The following ARFGAP3 variants were observed in gnomAD, a reference collection of about 807,000 sequenced individuals.
ARFGAP3 encodes ADP-ribosylation factor GTPase-activating protein 3.
Under a neutral mutation model 75.0 loss-of-function variants are expected in ARFGAP3, and 72 were observed. The observed-to-expected ratio is 0.96, with a 90% CI of 0.79 to 1.17. The LOEUF (loss-of-function observed/expected upper bound fraction) is 1.17, where lower values mean the gene tolerates loss of function less well. ARFGAP3 is among the 50% of genes most tolerant of loss of function. The pLI, the probability that ARFGAP3 is intolerant of heterozygous loss-of-function variation, is 0.00. For missense variants in ARFGAP3, 620 were observed against 626.6 expected (o/e 0.99, Z 0.11); for synonymous variants, 221 against 217.9 (o/e 1.01, Z -0.13).
In ARFGAP3 at chr22:42,797,531, G is replaced by A. The variant is rs117875466; in HGVS notation, c.*57C>T. The A allele has an allele frequency of 2.6e-4, 421 of 1,611,180 alleles. 3 individuals are homozygous for A. The East Asian group carries it at 8.7e-3, about 33-fold the overall frequency. On this transcript the variant is annotated 3_prime_UTR_variant, in exon 16 of 16. Transcript: ENST00000263245. ...GGACTTCACTGCCGCCTGAGATGTG[G>A]TTACTTGTTCATTTAAAGAGGAATT...
intron 9 of ARFGAP3, among the ~76,000 whole-genome samples, chr22:42,822,014 C>T (rs981198467): frequency 1.3e-5 from 2 of 152,172 alleles, no homozygotes; most frequent in African/African-American, 2.4e-5. Flanking sequence ...GTAAACACCT[C>T]CATGCATCTC....
intron 6 of ARFGAP3, among the ~76,000 whole-genome samples, chr22:42,829,801 T>C (rs910771202): frequency 1.1e-4 from 17 of 152,240 alleles, no homozygotes. Context: ...AAAAAGGCTT[T>C]ACCCATGTTT....
At chr22:42,845,906 CG>C (rs1459068869) in intron 2 of ARFGAP3, among the ~76,000 whole-genome samples, 1 of 151,800 alleles carries the variant, frequency 6.6e-6, no homozygotes, top group Non-Finnish European at 1.5e-5. Flanking sequence ...AGTGTGGTGG[CG>C]CGCACTTGTA....
intron 3 of ARFGAP3, among the ~76,000 whole-genome samples, chr22:42,840,382 GC>G (rs1926725957): frequency 6.6e-6 from 1 of 151,998 alleles, no homozygotes. Context: ...TTCTCATAGG[GC>G]CTCCCAAACT....
intron 1 of ARFGAP3, among the ~76,000 whole-genome samples, chr22:42,852,979 G>T (rs1927344029): frequency 6.6e-6 from 1 of 152,224 alleles, no homozygotes; most frequent in Admixed American, 6.5e-5. Context: ...GGCCAGGCTG[G>T]TCTTGAACTC....
intron 1 of ARFGAP3, 145 bp downstream of exon 1, chr22:42,856,968 CG>C: frequency 1.3e-6 from 1 of 756,298 alleles, no homozygotes; most frequent in Non-Finnish European, 1.7e-6. Flanking sequence ...CGCCCCGGCC[CG>C]GCCAGGCTGC....
Position 42,822,398 on chromosome 22 carries a change from T to G in ARFGAP3, c.684A>C (p.Lys228Asn). Reference sequence around the variant, plus strand: ...GTTTCTGAGCTCCCAAACTTCCTTTTTTGGCCCCAAGCTAGAACATATATA... The same window carrying G: ...GTTTCTGAGCTCCCAAACTTCCTTTGTTGGCCCCAAGCTAGAACATATATA... ...PNQAKKGLGA[K>N]KGSLGAQKLA... The change falls in exon 9 of 16, where the codon AAA becomes AAC. Residue 228 changes from lysine to asparagine, a missense_variant. Lys to Asn is a moderately conservative substitution (Grantham distance 94). Transcript: ENST00000263245. The G allele has an allele frequency of 6.2e-7, 1 of 1,614,034 alleles. No homozygotes were observed. Among genetic ancestry groups the G allele is most frequent in the Non-Finnish European group, 8.5e-7 (1 of 1,179,988 alleles).
intron 13 of ARFGAP3, 101 bp downstream of exon 13, chr22:42,808,666 G>T: frequency 1.0e-6 from 1 of 981,144 alleles, no homozygotes; most frequent in Non-Finnish European, 1.5e-6. Flanking sequence ...GCATCTGGCA[G>T]CCTGAGCCCA....
intron 3 of ARFGAP3, 63 bp from the exon 4 acceptor site, chr22:42,835,556 T>C: frequency 1.3e-6 from 2 of 1,584,434 alleles, no homozygotes; most frequent in Non-Finnish European, 1.7e-6. Context: ...GCGCAGTGGC[T>C]CATGCCTGTA....
At chr22:42,844,510 G>A (rs565955202) in intron 2 of ARFGAP3, among the ~76,000 whole-genome samples, 1 of 151,796 alleles carries the variant, frequency 6.6e-6, no homozygotes, top group East Asian at 1.9e-4. Context: ...GCTTGAACCC[G>A]GGAGGCGGAG....
Position 42,802,670 on chromosome 22 carries a change from C to T in ARFGAP3, c.1412-3510G>A, listed in dbSNP as rs1474753196. 1.8e-4 allele frequency among the ~76,000 whole-genome samples: 23 copies of T among 130,394 alleles called. No homozygotes were observed. In the South Asian group the frequency reaches 4.5e-3, roughly 26 times the overall value. The allele number at this position is 130,394 out of a possible 152,430, so 85.5% of individuals were successfully genotyped here. ...AGGCTGGAGTGCAGTGGTGCGATCTCGGCTCACTGCAAGCTCCACCTCCCA... is the reference window on the plus strand; with the variant it reads ...AGGCTGGAGTGCAGTGGTGCGATCTTGGCTCACTGCAAGCTCCACCTCCCA... On this transcript the variant is annotated intron_variant, in intron 14 of 15. Transcript: ENST00000263245.
rs145326423 is a variant in ARFGAP3 at position 42,832,940 on chromosome 22, G to A, written c.477+1302C>T. The stretch of plus-strand genomic sequence containing the variant: ...GTGGATGTTGCAGTGAGCCGAGATC[G>A]CGCCATTGCGCTACAGCCTGGGAAA... On this transcript the variant is annotated intron_variant, in intron 5 of 15. Transcript: ENST00000263245. Among the ~76,000 whole-genome samples, 42 of 151,928 alleles carry A rather than the reference G, an allele frequency of 2.8e-4. No homozygotes were observed. In the East Asian group the frequency reaches 4.4e-3, roughly 16 times the overall value.
intron 10 of ARFGAP3, 44 bp downstream of exon 10, chr22:42,817,685 C>A: frequency 6.8e-7 from 1 of 1,466,938 alleles, no homozygotes; most frequent in Non-Finnish European, 9.4e-7. Flanking sequence ...TGATGATTGA[C>A]ACACTGTTTT....
At chr22:42,820,732 G>A (rs772966941) in intron 9 of ARFGAP3, among the ~76,000 whole-genome samples, 14 of 151,712 alleles carry the variant, frequency 9.2e-5, no homozygotes, top group Admixed American at 5.9e-4. Context: ...TGTGTAGCAT[G>A]CACCCTCCGC....
Position 42,801,902 on chromosome 22 carries a change from G to C in ARFGAP3, c.1412-2742C>G, listed in dbSNP as rs1051859213. ...GTAAATACGGGTTGCGGGGCTGTCT[G>C]GGGGAATGGGGAAGAAGAGCATTCT... On this transcript the variant is annotated intron_variant, in intron 14 of 15. Transcript: ENST00000263245. Among the ~76,000 whole-genome samples the C allele has an allele frequency of 1.3e-5, 2 of 152,172 alleles. 1 individual carries two copies. Among genetic ancestry groups the C allele is most frequent in the African/African-American group, 4.8e-5 (2 of 41,434 alleles).
intron 9 of ARFGAP3, among the ~76,000 whole-genome samples, chr22:42,818,504 C>A (rs1925675981): frequency 1.3e-5 from 2 of 152,046 alleles, no homozygotes; most frequent in South Asian, 4.1e-4. Flanking sequence ...AAGCAGGACA[C>A]CAAAGGGGTA....
At chr22:42,850,472 T>C (rs1927227213) in intron 1 of ARFGAP3, among the ~76,000 whole-genome samples, 1 of 148,614 alleles carries the variant, frequency 6.7e-6, no homozygotes, top group South Asian at 2.1e-4. Context: ...ACTCAGGAGT[T>C]TGAGGTGAGA....
rs559372510 is a variant in ARFGAP3 at position 42,831,763 on chromosome 22, A to C, written c.478-127T>G. 4.0e-6 allele frequency: 6 copies of C among 1,488,382 alleles called. No homozygotes were observed. In the Admixed American group the frequency reaches 1.5e-4, roughly 38 times the overall value. The allele number at this position is 1,488,382 out of a possible 1,614,324, so 92.2% of individuals were successfully genotyped here. A position where few individuals can be genotyped will look rare whatever the true frequency, so the allele number is the denominator to read the frequency against. On this transcript the variant is annotated intron_variant, in intron 5 of 15. Transcript: ENST00000263245. The stretch of plus-strand genomic sequence containing the variant: ...TCTGAGTCCCTGTTAATGGAAAGGA[A>C]GGCATATCTACTTTTTTCTTGCTTT...
intron 2 of ARFGAP3, among the ~76,000 whole-genome samples, chr22:42,841,285 G>C (rs561314367): frequency 6.6e-6 from 1 of 152,274 alleles, no homozygotes; most frequent in African/African-American, 2.4e-5. Context: ...CCAACTCTTT[G>C]CCTCCCATCC....
Sources: gnomAD v4.1 joint callset for allele counts (sites outside exome capture counted in the v4.1 genomes callset) on GRCh38, gnomAD v4.1.1 for gene constraint, MANE v1.5 for transcripts, NCBI Gene and HGNC (gene_info 2026-07-23, HGNC 2026-07-21) for gene names.